UBE2J2: variants seen among roughly 807,000 people sequenced by gnomAD.
UBE2J2 encodes the protein ubiquitin-conjugating enzyme E2 J2.
Under a neutral mutation model 28.6 loss-of-function variants are expected in UBE2J2, and 5 were observed. That is an observed-to-expected ratio of 0.17 (90% confidence interval 0.09 to 0.37). The LOEUF is 0.37. Among genes scored for constraint, UBE2J2 ranks in the 10% least tolerant of loss-of-function variants. The probability of loss-of-function intolerance (pLI) is 1.00; values close to 1 mark genes in which losing one functional copy is unlikely to be tolerated. For synonymous variants in UBE2J2, 138 were observed against 139.7 expected (o/e 0.99, Z 0.09); for missense variants, 226 against 338.9 (o/e 0.67, Z 2.62).
At chr1:1,265,901 G>A (rs1057212840) in intron 2 of UBE2J2, among the ~76,000 whole-genome samples, 3 of 152,036 alleles carry the variant, frequency 2.0e-5, no homozygotes, top group Non-Finnish European at 4.4e-5. Context: ...CCAAAGTGCT[G>A]GGATTACAGG....
At chr1:1,273,093 G>A (rs1640244594) in intron 1 of UBE2J2, 1 of 152,290 alleles carries the variant, frequency 6.6e-6, no homozygotes, top group Admixed American at 6.5e-5. Context: ...GTGACACCTG[G>A]CCAGGGGCTG....
At chr1:1,269,970 T>C (rs1471116589) in intron 1 of UBE2J2, among the ~76,000 whole-genome samples, 1 of 152,142 alleles carries the variant, frequency 6.6e-6, no homozygotes, top group African/African-American at 2.4e-5. Flanking sequence ...GGGAGGGACC[T>C]TGTGGGAGGT....
At chr1:1,270,696 A>C (rs547966123) in intron 1 of UBE2J2, among the ~76,000 whole-genome samples, 136 of 152,176 alleles carry the variant, frequency 8.9e-4, no homozygotes, top group Non-Finnish European at 1.3e-3. Context: ...TCCTGTACCC[A>C]TAAGTCAACA....
chr1:1,267,957 C>T lies in UBE2J2; in HGVS notation c.36G>A (p.Thr12=), dbSNP rs1055215819. ...SSTSSKRAPT[T]ATQRLKQDYL... is the part of the protein sequence containing the mutation. ...AGTCCTGCTTCAGCCTCTGGGTTGCCGTGGTCGGAGCCCTCTTACTGCTGG... is the reference window on the plus strand; with the variant it reads ...AGTCCTGCTTCAGCCTCTGGGTTGCTGTGGTCGGAGCCCTCTTACTGCTGG... The change falls in exon 2 of 7, where the codon ACG becomes ACA. Residue 12 remains threonine, a synonymous_variant. Transcript: ENST00000349431. 5.0e-6 allele frequency: 8 copies of T among 1,614,028 alleles called. No homozygotes were observed. The East Asian group carries it at 6.7e-5, about 13-fold the overall frequency.
rs150933600 is a variant in UBE2J2 at position 1,268,745 on chromosome 1, T to C, written c.1-753A>G. Among the ~76,000 whole-genome samples, 458 of 152,346 alleles carry C rather than the reference T, an allele frequency of 3.0e-3. 2 individuals carry two copies. The highest frequency in any genetic ancestry group is 0.01 in the African/African-American group (436 of 41,588). The stretch of plus-strand genomic sequence containing the variant: ...CAGGGTCTTGCTCTGTCGCCCAGGC[T>C]GGAGTCACTGTGGCCTTGACCACCT... On this transcript the variant is annotated intron_variant, in intron 1 of 6. Transcript: ENST00000349431. The surrounding 1 kb of genome is among the most constrained non-coding windows in gnomAD (Gnocchi z 4.7).
At chr1:1,266,157 G>A in intron 2 of UBE2J2, 2 of 1,303,122 alleles carry the variant, frequency 1.5e-6, no homozygotes, top group African/African-American at 3.0e-5. Context: ...AGAGCACTCT[G>A]GTGGCCAAGG....
At chr1:1,270,610 A>G (rs1466735894) in intron 1 of UBE2J2, among the ~76,000 whole-genome samples, 1 of 151,954 alleles carries the variant, frequency 6.6e-6, no homozygotes, top group Non-Finnish European at 1.5e-5. Context: ...TCTCCCATCA[A>G]CACCACAGGA....
chr1:1,268,163 GC>G lies in UBE2J2; in HGVS notation c.1-172del, dbSNP rs942980648. ...TTGCCACCCGCCCAGACACCCAGAG[GC>G]CCTGCGGCTTCTCTCTTCCCGTCTG... On this transcript the variant is annotated intron_variant, in intron 1 of 6. Coordinates refer to ENST00000349431, the MANE Select transcript of UBE2J2 (RefSeq NM_058167.3). The surrounding 1 kb of genome is among the most constrained non-coding windows in gnomAD (Gnocchi z 4.7). Among the ~76,000 whole-genome samples the G allele has an allele frequency of 6.6e-6, 1 of 152,074 alleles. No homozygotes were observed. Among genetic ancestry groups the G allele is most frequent in the African/African-American group, 2.4e-5 (1 of 41,406 alleles).
rs560500157 is a variant in UBE2J2 at position 1,255,357 on chromosome 1, G to A, written c.626C>T (p.Ala209Val). 1.7e-5 allele frequency: 28 copies of A among 1,613,738 alleles called. No homozygotes were observed. The highest frequency in any genetic ancestry group is 1.0e-4 in the Admixed American group (6 of 60,028). The change falls in exon 7 of 7, where the codon GCG (alanine) becomes GTG (valine). Residue 209 changes from alanine (A) to valine (V), a missense_variant. Transcript: ENST00000349431. ...TGCGAGGTTTGGGACGGCCCCCGGC[G>A]CATGCCCGTTGAGCAGCTGAATCCC... The part of the protein sequence containing the change: ...QNGIQLLNGH[A>V]PGAVPNLAGL...
At chr1:1,256,942 C>T (rs372828954) in intron 5 of UBE2J2, 50 bp downstream of exon 5, 1 of 1,401,572 alleles carries the variant, frequency 7.1e-7, no homozygotes, top group Non-Finnish European at 9.4e-7. Context: ...AGAGAACAGC[C>T]CCCCAGACAC....
intron 2 of UBE2J2, among the ~76,000 whole-genome samples, chr1:1,266,884 T>TTATTA (rs1639900625): frequency 6.6e-6 from 1 of 151,560 alleles, no homozygotes; most frequent in African/African-American, 2.4e-5. Flanking sequence ...TCCTTACATT[T>TTATTA]TATTTTATTT....
chr1:1,270,604 C>T (rs1212873735), intron 1 of UBE2J2, among the ~76,000 whole-genome samples: 2 of 152,158 alleles, frequency 1.3e-5, no homozygotes, highest in Non-Finnish European at 2.9e-5. Flanking sequence ...ATCACTTCTC[C>T]CATCAACACC....
At position 1,255,416 on chromosome 1, in the gene UBE2J2, C is replaced by G; in HGVS notation, c.567G>C (p.Val189=). Residue 189 remains valine, a synonymous_variant, in exon 7 of 7, where the codon GTG becomes GTC. Transcript: ENST00000349431. ...CGAGGTGCGTCTCCCCGTCTGGAAC[C>G]ACGTCTGGCAAGGGGAGAGTCTGGG... The part of the protein sequence containing the change: ...SRPQTLPLPD[V]VPDGETHLVQ... 3 of 1,613,956 alleles carry G rather than the reference C, an allele frequency of 1.9e-6. No homozygotes were observed. Among genetic ancestry groups the G allele is most frequent in the Non-Finnish European group, 2.5e-6 (3 of 1,180,028 alleles).
In UBE2J2 at chr1:1,266,392, G is replaced by C. The variant is rs1366989549; in HGVS notation, c.131+1470C>G. On this transcript the variant is annotated intron_variant, in intron 2 of 6. Coordinates refer to ENST00000349431, the MANE Select transcript of UBE2J2 (RefSeq NM_058167.3). ...AGATCACCTGAGATAAGGAGTTCGA[G>C]ACCAGCCTGACCAATATGGTGAAAC... The C allele has an allele frequency of 4.8e-5, 11 of 226,862 alleles. 1 individual carries two copies. Among genetic ancestry groups the C allele is most frequent in the Admixed American group, 4.7e-4 (9 of 19,290 alleles). 14.1% of individuals were successfully genotyped at this position (226,862 alleles called of 1,614,324 possible). A position where few individuals can be genotyped will look rare whatever the true frequency, so the allele number is the denominator to read the frequency against.
chr1:1,255,364 C>T lies in UBE2J2; in HGVS notation c.619G>A (p.Gly207Arg), dbSNP rs928340026. ...TTTGGGACGGCCCCCGGCGCATGCC[C>T]GTTGAGCAGCTGAATCCCGTTCTGG... ...LVQNGIQLLN[G>R]HAPGAVPNLA... Residue 207 changes from glycine to arginine, a missense_variant, in exon 7 of 7, where the codon GGG becomes AGG. Physicochemically the swap from Gly to Arg is moderately radical, Grantham distance 125. Transcript: ENST00000349431. 4.3e-6 allele frequency: 7 copies of T among 1,613,714 alleles called. No homozygotes were observed. Among genetic ancestry groups the T allele is most frequent in the East Asian group, 2.2e-5 (1 of 44,900 alleles).
intron 2 of UBE2J2, chr1:1,266,355 G>A (rs1308568197): frequency 1.4e-5 from 4 of 291,910 alleles, no homozygotes; most frequent in East Asian, 2.2e-4. Context: ...ACTTTGGGAG[G>A]CTGAGGCAGG....
In UBE2J2 at chr1:1,257,135, A is replaced by C. The variant is rs7524470; in HGVS notation, c.276-5T>G. ...TCCGTGATAGAAAGACACAGCCTGC[A>C]AAACGGGGGCCCCGTCAGTGCACAC... is the stretch of plus-strand genomic sequence containing the variant. On this transcript the variant is annotated splice_polypyrimidine_tract_variant and splice_region_variant and intron_variant, in intron 4 of 6. Transcript: ENST00000349431. 4 of 1,609,704 alleles carry C rather than the reference A, an allele frequency of 2.5e-6. No homozygotes were observed. The East Asian group carries it at 6.7e-5, about 27-fold the overall frequency.
chr1:1,254,506 C>G lies in UBE2J2; in HGVS notation c.*697G>C, dbSNP rs930395616. 1 of 152,306 alleles carries G rather than the reference C, an allele frequency of 6.6e-6. No individual in the cohort carries two copies. Among genetic ancestry groups the G allele is most frequent in the South Asian group, 2.1e-4 (1 of 4,842 alleles). The allele number at this position is 152,306 out of a possible 1,614,324, so 9.4% of individuals were successfully genotyped here. On this transcript the variant is annotated 3_prime_UTR_variant, in exon 7 of 7. Coordinates refer to ENST00000349431, the MANE Select transcript of UBE2J2 (RefSeq NM_058167.3). ...AGGGGCGCCCAGGAGGCCCGGCCTG[C>G]GGAGGGCACCGGCAGCCCCCGCCCC...
chr1:1,259,775 A>C (rs560132441), intron 3 of UBE2J2, among the ~76,000 whole-genome samples: 2 of 151,818 alleles, frequency 1.3e-5, no homozygotes, highest in East Asian at 1.9e-4. Context: ...GGAGTCCCCC[A>C]CAGTCACAGC....
Sources: gnomAD v4.1 joint callset for allele counts (sites outside exome capture counted in the v4.1 genomes callset) on GRCh38, gnomAD v4.1.1 for gene constraint, Gnocchi (gnomAD v3.1) non-coding constraint, MANE v1.5 for transcripts, NCBI Gene and HGNC (gene_info 2026-07-23, HGNC 2026-07-21) for gene names.